Variants in TDRD7 observed in about 807,000 individuals in gnomAD.
The protein encoded by TDRD7 is tudor domain-containing protein 7.
In TDRD7, 47 loss-of-function variants were observed where a neutral mutation model predicts 109.8. The ratio of observed to expected loss-of-function variants is 0.43; its 90% CI spans 0.34 to 0.55. The LOEUF (loss-of-function observed/expected upper bound fraction) is 0.55, where lower values mean the gene tolerates loss of function less well. Ranked by LOEUF, TDRD7 falls within the 20% of genes least tolerant of loss-of-function variation. TDRD7 has a pLI of 0.03. For missense variants in TDRD7, 1,164 were observed against 1,319.2 expected (o/e 0.88, Z 1.82); for synonymous variants, 424 against 457.3 (o/e 0.93, Z 0.93).
At chr9:97,414,292 A>G (rs1459628927) in intron 1 of TDRD7, among the ~76,000 whole-genome samples, 1 of 152,240 alleles carries the variant, frequency 6.6e-6, no homozygotes, top group African/African-American at 2.4e-5. Flanking sequence ...AGTTGAAGAC[A>G]TGTATATATG....
intron 4 of TDRD7, among the ~76,000 whole-genome samples, chr9:97,433,166 A>T (rs528445835): frequency 1.2e-4 from 18 of 152,280 alleles, no homozygotes; most frequent in East Asian, 3.9e-4. Flanking sequence ...TGTGAAAGAT[A>T]ATTTCCCCCC....
At chr9:97,424,324 G>A (rs986207070) in intron 1 of TDRD7, among the ~76,000 whole-genome samples, 1 of 151,980 alleles carries the variant, frequency 6.6e-6, no homozygotes, top group African/African-American at 2.4e-5. Context: ...CCAAAGTGCT[G>A]GGATTACAGG....
intron 3 of TDRD7, 142 bp from the exon 4 acceptor site, chr9:97,431,883 C>T: frequency 2.5e-6 from 2 of 787,328 alleles, no homozygotes; most frequent in East Asian, 5.0e-5. Flanking sequence ...GTTGACCAGC[C>T]CTCCAGTGGC....
chr9:97,491,260 T>C (rs1829304965), intron 16 of TDRD7, among the ~76,000 whole-genome samples: 1 of 152,222 alleles, frequency 6.6e-6, no homozygotes, highest in Admixed American at 6.5e-5. Context: ...TTTCTTAGAA[T>C]TTCTGTGTTT....
At chr9:97,422,459 T>G (rs1424861954) in intron 1 of TDRD7, among the ~76,000 whole-genome samples, 1 of 152,244 alleles carries the variant, frequency 6.6e-6, no homozygotes, top group East Asian at 1.9e-4. Context: ...GTTCCATTGA[T>G]CTATATGATT....
At position 97,495,209 on chromosome 9, in the gene TDRD7, G is replaced by A. The variant is rs180719476; in HGVS notation, c.3077-454G>A. Among the ~76,000 whole-genome samples, 1,431 of 152,080 alleles carry A rather than the reference G, an allele frequency of 9.4e-3. 7 individuals are homozygous for A. Among genetic ancestry groups the A allele is most frequent in the Non-Finnish European group, 0.016 (1,061 of 67,984 alleles). On this transcript the variant is annotated intron_variant, in intron 16 of 16. Transcript: ENST00000355295. ...ACTTTCAATTCAGTGCTTTTCCCAC[G>A]ATGCTGTGTATAATTTTAAATAACT... is the stretch of plus-strand genomic sequence containing the variant.
chr9:97,466,874 A>T (rs12349738), intron 8 of TDRD7, among the ~76,000 whole-genome samples: 2,886 of 152,342 alleles, frequency 0.019, 47 homozygotes, highest in Non-Finnish European at 0.032. Flanking sequence ...GGTGATGATT[A>T]TATGGATGTA....
chr9:97,475,494 T>A (rs1414030815), intron 12 of TDRD7, 25 bp downstream of exon 12: 2 of 1,499,368 alleles, frequency 1.3e-6, no homozygotes, highest in East Asian at 2.3e-5. Context: ...CTTGGCTTTT[T>A]AATCTTAACT....
chr9:97,421,741 TGTGA>T (rs199896011), intron 1 of TDRD7, among the ~76,000 whole-genome samples: 1 of 121,618 alleles, frequency 8.2e-6, no homozygotes. Flanking sequence ...TGTGTGTGTG[TGTGA>T]AGACGGAGTC....
At chr9:97,488,390 A>G (rs192659531) in intron 16 of TDRD7, among the ~76,000 whole-genome samples, 2 of 152,308 alleles carry the variant, frequency 1.3e-5, no homozygotes, top group Admixed American at 1.3e-4. Flanking sequence ...TTTTATTGGA[A>G]GCCTGTGTAT....
chr9:97,483,015 C>T lies in TDRD7; in HGVS notation c.2579C>T (p.Pro860Leu), dbSNP rs1384859480. Residue 860 changes from proline (P) to leucine (L), a missense_variant, in exon 15 of 17, where the codon CCC (proline) becomes CTC (leucine). Pro to Leu is a moderately conservative substitution (Grantham distance 98). This residue lies in a region of TDRD7 where 233 missense variants were observed against 218.0 expected (regional missense o/e 1.07). Coordinates refer to ENST00000355295, the MANE Select transcript of TDRD7 (RefSeq NM_014290.3). Reference protein sequence around the residue: ...LSAISSGADSPNSKNGNMPMS... With the variant: ...LSAISSGADSLNSKNGNMPMS... ...GCCATATCCAGTGGAGCTGACTCTC[C>T]CAACAGCAAAAATGGCAACATGCCC... 2.5e-6 allele frequency: 4 copies of T among 1,614,136 alleles called. No individual in the cohort carries two copies. Among genetic ancestry groups the T allele is most frequent in the Non-Finnish European group, 2.5e-6 (3 of 1,180,018 alleles).
Position 97,428,506 on chromosome 9 carries a change from T to C in TDRD7, c.41T>C (p.Val14Ala). 1 of 1,614,058 alleles carries C rather than the reference T, an allele frequency of 6.2e-7. No individual in the cohort carries two copies. The highest frequency in any genetic ancestry group is 8.5e-7 in the Non-Finnish European group (1 of 1,179,942). ...CTGGTTTCAAAGATGCTACGAGCTG[T>C]TCTGCAGTCTCATAAGAATGGAGTA... is the stretch of plus-strand genomic sequence containing the variant. ...GDLVSKMLRAVLQSHKNGVAL... is the reference protein window; with the variant it reads ...GDLVSKMLRAALQSHKNGVAL... The change falls in exon 2 of 17, where the codon GTT (valine) becomes GCT (alanine). Residue 14 changes from valine (V) to alanine (A), a missense_variant. Val to Ala is a moderately conservative substitution (Grantham distance 64). Around this residue, in one of 5 missense-constraint regions of TDRD7, gnomAD observed 101 missense variants for 148.5 expected, o/e 0.68. Coordinates refer to ENST00000355295, the MANE Select transcript of TDRD7 (RefSeq NM_014290.3).
rs183657269 is a variant in TDRD7 at position 97,457,008 on chromosome 9, G to A, written c.856-3170G>A. Reference sequence around the variant, plus strand: ...ACAACCCCATCAAAAAGTGGGCAAAGGGTATGAACAGACACTTCTCAAAAG... The same window carrying A: ...ACAACCCCATCAAAAAGTGGGCAAAAGGTATGAACAGACACTTCTCAAAAG... On this transcript the variant is annotated intron_variant, in intron 6 of 16. Coordinates refer to ENST00000355295, the MANE Select transcript of TDRD7 (RefSeq NM_014290.3). Among the ~76,000 whole-genome samples the A allele has an allele frequency of 5.3e-3, 808 of 152,246 alleles. 1 individual carries two copies. The highest frequency in any genetic ancestry group is 8.8e-3 in the Non-Finnish European group (600 of 68,008).
chr9:97,470,169 T>TA (rs1206888540), intron 8 of TDRD7, among the ~76,000 whole-genome samples: 6 of 152,072 alleles, frequency 3.9e-5, no homozygotes, highest in Admixed American at 6.6e-5. Context: ...TGGAAATGTG[T>TA]AACTCAAAAA....
intron 1 of TDRD7, among the ~76,000 whole-genome samples, chr9:97,420,877 A>AAGGC (rs1827887904): frequency 7.2e-5 from 11 of 152,222 alleles, no homozygotes; most frequent in Admixed American, 7.2e-4. Flanking sequence ...TTATGTCTGT[A>AAGGC]ATCCCAGCAT....
chr9:97,465,564 T>C, intron 8 of TDRD7, among the ~76,000 whole-genome samples: 1 of 152,214 alleles, frequency 6.6e-6, no homozygotes, highest in East Asian at 1.9e-4. Context: ...GATATCAGCC[T>C]CTGCCCTTTG....
At chr9:97,477,015 T>A (rs748964523) in intron 12 of TDRD7, among the ~76,000 whole-genome samples, 1 of 152,216 alleles carries the variant, frequency 6.6e-6, no homozygotes, top group Non-Finnish European at 1.5e-5. Context: ...AGGTATAAAC[T>A]TCAAAAACAT....
chr9:97,494,408 C>T (rs958712055), intron 16 of TDRD7, among the ~76,000 whole-genome samples: 2 of 152,140 alleles, frequency 1.3e-5, no homozygotes, highest in Admixed American at 1.3e-4. Context: ...GAAAGGGAGC[C>T]ATACTGTGGA....
intron 6 of TDRD7, among the ~76,000 whole-genome samples, chr9:97,454,867 C>T (rs1023866774): frequency 6.6e-6 from 1 of 151,768 alleles, no homozygotes; most frequent in South Asian, 2.1e-4. Context: ...CAGGAAAAAC[C>T]CTCCAAAAAA....
Sources: allele counts gnomAD v4.1 joint callset (sites outside exome capture counted in the v4.1 genomes callset), GRCh38; gene constraint gnomAD v4.1.1; regional missense constraint gnomAD v4.1.1; transcripts MANE v1.5; gene names NCBI Gene and HGNC (gene_info 2026-07-23, HGNC 2026-07-21).